CDK7: variants seen among roughly 807,000 people sequenced by gnomAD.
The protein encoded by CDK7 is cyclin-dependent kinase 7.
Under a neutral mutation model 49.1 loss-of-function variants are expected in CDK7, and 25 were observed. The observed-to-expected ratio is 0.51, with a 90% CI of 0.37 to 0.71. The LOEUF is 0.71. Ranked by LOEUF, CDK7 falls within the 30% of genes least tolerant of loss-of-function variation. The pLI, the probability that CDK7 is intolerant of heterozygous loss-of-function variation, is 0.00. For synonymous variants in CDK7, 107 were observed against 140.0 expected (o/e 0.76, Z 1.67); for missense variants, 316 against 411.7 (o/e 0.77, Z 2.01).
intron 2 of CDK7, among the ~76,000 whole-genome samples, chr5:69,245,341 C>T (rs186040747): frequency 2.7e-3 from 308 of 115,954 alleles, no homozygotes; most frequent in African/African-American, 9.2e-3. Flanking sequence ...ACCCTACCCT[C>T]TTATTTTTTT....
chr5:69,273,191 C>T (rs901235413), intron 10 of CDK7, 150 bp downstream of exon 10: 5 of 568,714 alleles, frequency 8.8e-6, no homozygotes, highest in Non-Finnish European at 1.2e-5. Context: ...GTATCTTTTC[C>T]CCAAACTACA....
At chr5:69,235,850 A>G (rs542723323) in intron 2 of CDK7, among the ~76,000 whole-genome samples, 18 of 152,348 alleles carry the variant, frequency 1.2e-4, no homozygotes, top group African/African-American at 4.1e-4. Flanking sequence ...CACTAGCATG[A>G]ACAACATTGA....
intron 2 of CDK7, among the ~76,000 whole-genome samples, chr5:69,240,949 C>T (rs1444201258): frequency 6.6e-6 from 1 of 152,022 alleles, no homozygotes; most frequent in African/African-American, 2.4e-5. Flanking sequence ...GAATGGTACT[C>T]TTTGTGTATA....
intron 10 of CDK7, among the ~76,000 whole-genome samples, chr5:69,274,063 C>A (rs72767865): frequency 0.15 from 23,042 of 152,078 alleles, 1,874 homozygotes; most frequent in African/African-American, 0.2. Flanking sequence ...GTTGCCTTTT[C>A]ACTCATACTT....
chr5:69,256,281 A>G (rs917369460), intron 5 of CDK7, among the ~76,000 whole-genome samples: 2 of 152,196 alleles, frequency 1.3e-5, no homozygotes, highest in African/African-American at 4.8e-5. Context: ...ATATTAAAAA[A>G]TAAAGAAACT....
chr5:69,261,768 A>C (rs575150010), intron 7 of CDK7, among the ~76,000 whole-genome samples: 1 of 152,062 alleles, frequency 6.6e-6, no homozygotes, highest in Non-Finnish European at 1.5e-5. Flanking sequence ...TGACCTCGTG[A>C]TCCGCCCGCC....
intron 3 of CDK7, among the ~76,000 whole-genome samples, chr5:69,254,374 T>C (rs947773737): frequency 6.6e-6 from 1 of 151,784 alleles, no homozygotes; most frequent in African/African-American, 2.4e-5. Flanking sequence ...ATACAAAAAT[T>C]AGCCGGGCGT....
At chr5:69,274,370 C>T (rs1044651085) in intron 10 of CDK7, among the ~76,000 whole-genome samples, 2 of 152,152 alleles carry the variant, frequency 1.3e-5, no homozygotes, top group Non-Finnish European at 2.9e-5. Flanking sequence ...TGCATCGGCT[C>T]ACACCTGTAA....
chr5:69,251,183 C>T (rs1039091607), intron 2 of CDK7, among the ~76,000 whole-genome samples: 3 of 151,526 alleles, frequency 2.0e-5, no homozygotes, highest in South Asian at 2.1e-4. Context: ...CTGCAAGCTC[C>T]GCCTCCTGGG....
At chr5:69,243,127 G>T (rs1368292225) in intron 2 of CDK7, among the ~76,000 whole-genome samples, 1 of 152,222 alleles carries the variant, frequency 6.6e-6, no homozygotes, top group African/African-American at 2.4e-5. Context: ...TCAAAAATAT[G>T]CCTTTTTGGC....
At chr5:69,262,434 C>T (rs1381247684) in intron 8 of CDK7, 130 bp downstream of exon 8, 17 of 1,175,382 alleles carry the variant, frequency 1.4e-5, no homozygotes, top group Non-Finnish European at 1.8e-5. Flanking sequence ...TTTGGGAGGC[C>T]GAGGCAGGTG....
chr5:69,239,083 C>T (rs1401645526), intron 2 of CDK7, among the ~76,000 whole-genome samples: 1 of 151,844 alleles, frequency 6.6e-6, no homozygotes, highest in Non-Finnish European at 1.5e-5. Context: ...ATCTTGTATG[C>T]AGGTTTGAGT....
In CDK7 at chr5:69,259,864, A is replaced by T; in HGVS notation, c.455A>T (p.Lys152Ile). Residue 152 changes from lysine to isoleucine, a missense_variant, in exon 7 of 12, where the codon AAA becomes ATA. Transcript: ENST00000256443. ...TTGCTAGATGAAAATGGAGTTCTAA[A>T]ACTGGCAGATTTTGGCCTGGCCAAA... ...NLLLDENGVL[K>I]LADFGLAKSF... The T allele has an allele frequency of 6.2e-7, 1 of 1,614,160 alleles. No homozygotes were observed. Among genetic ancestry groups the T allele is most frequent in the Non-Finnish European group, 8.5e-7 (1 of 1,180,014 alleles).
chr5:69,253,798 T>C (rs898996588), intron 3 of CDK7, among the ~76,000 whole-genome samples: 4 of 152,192 alleles, frequency 2.6e-5, no homozygotes, highest in African/African-American at 9.6e-5. Flanking sequence ...TTAAGCTATT[T>C]TAAAAGTAAA....
At chr5:69,254,805 C>A in intron 4 of CDK7, 136 bp downstream of exon 4, 1 of 583,034 alleles carries the variant, frequency 1.7e-6, no homozygotes, top group Non-Finnish European at 3.1e-6. Flanking sequence ...CATTTTCTAT[C>A]CCAGTTGTTT....
intron 2 of CDK7, among the ~76,000 whole-genome samples, chr5:69,241,443 C>G (rs186046242): frequency 3.2e-4 from 48 of 151,096 alleles, no homozygotes; most frequent in African/African-American, 1.2e-3. Context: ...GCCTCAGCCT[C>G]CTGAGTAGCT....
intron 8 of CDK7, among the ~76,000 whole-genome samples, chr5:69,265,775 T>C (rs1751113253): frequency 6.6e-6 from 1 of 151,972 alleles, no homozygotes; most frequent in Non-Finnish European, 1.5e-5. Context: ...CCGGGCATGG[T>C]ATTGAGTGCG....
intron 3 of CDK7, 21 bp downstream of exon 3, chr5:69,252,472 G>A (rs1194452510): frequency 3.0e-6 from 3 of 996,036 alleles, no homozygotes; most frequent in Non-Finnish European, 4.4e-6. Context: ...CATGTAATCT[G>A]ACAGATAGGA....
chr5:69,237,602 A>C (rs1455346790), intron 2 of CDK7, among the ~76,000 whole-genome samples: 1 of 152,064 alleles, frequency 6.6e-6, no homozygotes, highest in Non-Finnish European at 1.5e-5. Context: ...GTTTAATTCC[A>C]TTCACACTGT....
Sources: allele counts gnomAD v4.1 joint callset (sites outside exome capture counted in the v4.1 genomes callset), GRCh38; gene constraint gnomAD v4.1.1; transcripts MANE v1.5; gene names NCBI Gene and HGNC (gene_info 2026-07-23, HGNC 2026-07-21).